Variants in STEAP1B observed in about 807,000 individuals in gnomAD.
STEAP1B encodes the protein STEAP family member 1B.
Under a neutral mutation model 27.9 loss-of-function variants are expected in STEAP1B, and 13 were observed. The observed-to-expected ratio is 0.47, with a 90% CI of 0.30 to 0.74. The LOEUF is 0.74. STEAP1B is among the 30% of genes least tolerant of loss of function. STEAP1B has a pLI of 0.06. For missense variants in STEAP1B, 250 were observed against 298.7 expected (o/e 0.84, Z 1.20); for synonymous variants, 86 against 107.1 (o/e 0.80, Z 1.22).
At chr7:22,470,935 G>GA (rs576186640) in intron 4 of STEAP1B, among the ~76,000 whole-genome samples, 22 of 152,074 alleles carry the variant, frequency 1.4e-4, no homozygotes, top group African/African-American at 5.1e-4. Context: ...TCTAGCAAAA[G>GA]AAAAAAATGT....
chr7:22,444,232 T>C (rs954848348), intron 4 of STEAP1B, among the ~76,000 whole-genome samples: 7 of 152,178 alleles, frequency 4.6e-5, no homozygotes, highest in African/African-American at 1.7e-4. Flanking sequence ...AGGGTACCTG[T>C]ACCTCCCTCA....
chr7:22,479,763 C>A (rs181029444), intron 4 of STEAP1B, among the ~76,000 whole-genome samples: 1 of 144,242 alleles, frequency 6.9e-6, no homozygotes, highest in Admixed American at 7.1e-5. Flanking sequence ...TGGCCCAGTG[C>A]AGCCTCCACC....
rs574877424 is a variant in STEAP1B, at chr7:22,421,441, G to A, written c.763-1605C>T. Among the ~76,000 whole-genome samples, 11 of 152,344 alleles carry A rather than the reference G, an allele frequency of 7.2e-5. No individual in the cohort carries two copies. In the South Asian group the frequency reaches 1.2e-3, roughly 17 times the overall value. ...ATTTGGCAGTTGAGGAAACTGAGGCGTGGGGAGGTGTCAGAAGCCACACAG... is the reference window on the plus strand; with the variant it reads ...ATTTGGCAGTTGAGGAAACTGAGGCATGGGGAGGTGTCAGAAGCCACACAG... On this transcript the variant is annotated intron_variant, in intron 4 of 4. Transcript: ENST00000678116.
chr7:22,439,291 T>C (rs1785296860), intron 4 of STEAP1B, among the ~76,000 whole-genome samples: 3 of 152,160 alleles, frequency 2.0e-5, no homozygotes. Context: ...CTATTCTTAT[T>C]CCAAGTCCGT....
chr7:22,438,393 A>T, intron 4 of STEAP1B: 3 of 1,325,026 alleles, frequency 2.3e-6, no homozygotes, highest in South Asian at 3.0e-5. Flanking sequence ...TAAGTTTGGT[A>T]GATGTCCACT....
At chr7:22,473,022 T>C (rs73083195) in intron 4 of STEAP1B, among the ~76,000 whole-genome samples, 12,521 of 152,178 alleles carry the variant, frequency 0.082, 636 homozygotes, top group Non-Finnish European at 0.12. Flanking sequence ...CTGTCTTTGA[T>C]TGGGCCCTTC....
intron 1 of STEAP1B, among the ~76,000 whole-genome samples, chr7:22,497,347 C>T (rs559222556): frequency 6.6e-6 from 1 of 152,234 alleles, no homozygotes; most frequent in Non-Finnish European, 1.5e-5. Flanking sequence ...AGAAGAAAGC[C>T]AACATGGAAG....
chr7:22,467,740 C>T (rs908197564), intron 4 of STEAP1B, among the ~76,000 whole-genome samples: 12 of 152,122 alleles, frequency 7.9e-5, no homozygotes, highest in South Asian at 4.2e-4. Flanking sequence ...TCCCCAGCCA[C>T]GTGGAACTGT....
At chr7:22,427,375 T>G (rs1785122407) in intron 4 of STEAP1B, among the ~76,000 whole-genome samples, 2 of 152,176 alleles carry the variant, frequency 1.3e-5, no homozygotes, top group Non-Finnish European at 2.9e-5. Context: ...AAGGACATCC[T>G]GACTGATTGG....
chr7:22,464,813 A>G (rs2128408953), intron 4 of STEAP1B, among the ~76,000 whole-genome samples: 1 of 150,844 alleles, frequency 6.6e-6, no homozygotes, highest in African/African-American at 2.4e-5. Flanking sequence ...GAGGAAATAA[A>G]TTTCTGTTAA....
chr7:22,451,340 T>A (rs115373277), intron 4 of STEAP1B, among the ~76,000 whole-genome samples: 5,723 of 152,256 alleles, frequency 0.038, 354 homozygotes, highest in African/African-American at 0.13. Context: ...AAATAAAAGA[T>A]CACATCATCT....
At chr7:22,423,969 C>T (rs1297337784) in intron 4 of STEAP1B, among the ~76,000 whole-genome samples, 2 of 152,130 alleles carry the variant, frequency 1.3e-5, no homozygotes, top group Non-Finnish European at 2.9e-5. Flanking sequence ...GTCAAGGCTG[C>T]AGTGAGCCGT....
chr7:22,486,253 C>G (rs1786206650), intron 4 of STEAP1B, among the ~76,000 whole-genome samples: 1 of 152,200 alleles, frequency 6.6e-6, no homozygotes, highest in Non-Finnish European at 1.5e-5. Flanking sequence ...TAATTTCTAA[C>G]AGCCGCTGAA....
At chr7:22,442,150 A>G (rs1785343462) in intron 4 of STEAP1B, among the ~76,000 whole-genome samples, 1 of 152,228 alleles carries the variant, frequency 6.6e-6, no homozygotes, top group Non-Finnish European at 1.5e-5. Context: ...GAAGAGGGCA[A>G]TGGTGCTCAT....
intron 4 of STEAP1B, among the ~76,000 whole-genome samples, chr7:22,424,418 C>T (rs1329992802): frequency 1.3e-5 from 2 of 152,078 alleles, no homozygotes; most frequent in East Asian, 1.9e-4. Flanking sequence ...ATATTCAACC[C>T]TAAGAATAAT....
chr7:22,459,676 AT>A (rs1209729219), intron 4 of STEAP1B, among the ~76,000 whole-genome samples: 1 of 152,196 alleles, frequency 6.6e-6, no homozygotes, highest in Non-Finnish European at 1.5e-5. Flanking sequence ...ACTTGCCAGT[AT>A]TATGTTGGGC....
At chr7:22,426,427 C>T (rs910345967) in intron 4 of STEAP1B, among the ~76,000 whole-genome samples, 2 of 152,162 alleles carry the variant, frequency 1.3e-5, no homozygotes, top group African/African-American at 4.8e-5. Flanking sequence ...AGTGTATTCA[C>T]TCAGCAGGAA....
rs377200660 is a variant in STEAP1B, at chr7:22,464,949, A to ATATATATATATATATATGTG, written c.762+27615_762+27616insCACATATATATATATATATA. On this transcript the variant is annotated intron_variant, in intron 4 of 4. Transcript: ENST00000678116. ...GAAACCACAGACAGTACCAAACCCC[A>ATATATATATATATATATGTG]TATATATATATATATGTAGGCACAA... 4.2e-5 allele frequency among the ~76,000 whole-genome samples: 2 copies of ATATATATATATATATATGTG among 47,968 alleles called. 1 individual carries two copies. Among genetic ancestry groups the ATATATATATATATATATGTG allele is most frequent in the African/African-American group, 2.0e-4 (2 of 9,836 alleles). The allele number at this position is 47,968 out of a possible 152,430, so 31.5% of individuals were successfully genotyped here. A position where few individuals can be genotyped will look rare whatever the true frequency, so the allele number is the denominator to read the frequency against.
intron 4 of STEAP1B, among the ~76,000 whole-genome samples, chr7:22,459,083 T>A (rs1487780338): frequency 6.6e-6 from 1 of 152,202 alleles, no homozygotes; most frequent in African/African-American, 2.4e-5. Flanking sequence ...GCAGTGCCTC[T>A]CAGCATGTCA....
Sources: gnomAD v4.1 joint callset for allele counts (sites outside exome capture counted in the v4.1 genomes callset) on GRCh38, gnomAD v4.1.1 for gene constraint, MANE v1.5 for transcripts, NCBI Gene and HGNC (gene_info 2026-07-23, HGNC 2026-07-21) for gene names.